CYP4F3: variants seen among roughly 807,000 people sequenced by gnomAD.
CYP4F3 encodes the protein cytochrome P450 4F3.
A neutral mutation model predicts 54.8 loss-of-function variants in CYP4F3; 50 were observed. The ratio of observed to expected loss-of-function variants is 0.91; its 90% CI spans 0.73 to 1.16. The LOEUF is 1.16. CYP4F3 is among the 50% of genes most tolerant of loss of function. The pLI is 0.00. For missense variants in CYP4F3, 715 were observed against 676.2 expected (o/e 1.06, Z -0.64); for synonymous variants, 244 against 262.6 (o/e 0.93, Z 0.69).
chr19:15,652,418 G>A, intron 7 of CYP4F3, 151 bp from the exon 8 acceptor site: 1 of 1,177,658 alleles, frequency 8.5e-7, no homozygotes, highest in Non-Finnish European at 1.2e-6. Context: ...TGGCCATGGT[G>A]ACCAAGAAGG....
chr19:15,647,019 T>A, intron 3 of CYP4F3, 33 bp from the exon 4 acceptor site: 1 of 1,613,002 alleles, frequency 6.2e-7, no homozygotes, highest in Non-Finnish European at 8.5e-7. Context: ...TTCACCTGCC[T>A]CCATGGCCCC....
rs1972599263 is a variant in CYP4F3 at position 15,645,606 on chromosome 19, A to C, written c.199-113A>C. 3.6e-6 allele frequency: 5 copies of C among 1,387,874 alleles called. No homozygotes were observed. The African/African-American group carries it at 4.3e-5, about 12-fold the overall frequency. The allele number at this position is 1,387,874 out of a possible 1,614,324, so 86.0% of individuals were successfully genotyped here. Reference sequence around the variant, plus strand: ...CAGTGGGGGCTCAGCACTGAGAGGGAGATGAGATGCTGCTTGAAATTCTCA... The same window carrying C: ...CAGTGGGGGCTCAGCACTGAGAGGGCGATGAGATGCTGCTTGAAATTCTCA... On this transcript the variant is annotated intron_variant, in intron 2 of 12. Coordinates refer to ENST00000221307, the MANE Select transcript of CYP4F3 (RefSeq NM_000896.3).
Position 15,652,603 on chromosome 19 carries a change from T to A in CYP4F3, c.953T>A (p.Ile318Lys). ...GGGAAGAAGTTGTCCGATGAGGACA[T>A]AAGAGCAGAAGCTGACACCTTTATG... ...EDGKKLSDED[I>K]RAEADTFMFE... The change falls in exon 8 of 13, where the codon ATA (isoleucine) becomes AAA (lysine). Residue 318 changes from isoleucine to lysine, a missense_variant. By Grantham distance (102) the Ile-to-Lys change is moderately radical. Transcript: ENST00000221307. 1 of 1,614,132 alleles carries A rather than the reference T, an allele frequency of 6.2e-7. No individual in the cohort carries two copies. Among genetic ancestry groups the A allele is most frequent in the Non-Finnish European group, 8.5e-7 (1 of 1,180,006 alleles).
intron 2 of CYP4F3, among the ~76,000 whole-genome samples, chr19:15,641,881 A>G (rs552892339): frequency 7.5e-4 from 114 of 152,204 alleles, no homozygotes; most frequent in African/African-American, 2.7e-3. Context: ...GCTCTTGGGC[A>G]GGGGGTTGGG....
intron 7 of CYP4F3, among the ~76,000 whole-genome samples, chr19:15,652,283 AT>A (rs4646510): frequency 0.66 from 100,618 of 151,816 alleles, 33,889 homozygotes; most frequent in East Asian, 0.81. Flanking sequence ...GTTGCCAGTG[AT>A]TTTTTTCTCA....
chr19:15,650,518 G>A (rs1458869567), intron 7 of CYP4F3, among the ~76,000 whole-genome samples: 2 of 152,114 alleles, frequency 1.3e-5, no homozygotes, highest in African/African-American at 4.8e-5. Flanking sequence ...TTGTCTCTGA[G>A]TTTGTGTCTC....
chr19:15,645,750 C>G lies in CYP4F3; in HGVS notation c.230C>G (p.Thr77Arg). Residue 77 changes from threonine to arginine, a missense_variant, in exon 3 of 13, where the codon ACA becomes AGA. Coordinates refer to ENST00000221307, the MANE Select transcript of CYP4F3 (RefSeq NM_000896.3). The stretch of plus-strand genomic sequence containing the variant: ...AGCTCGGAGGAAGGTCTCCTATACA[C>G]ACAAAGCCTGGCATGCACCTTCGGT... ...IHSSEEGLLY[T>R]QSLACTFGDM... is the part of the protein sequence containing the mutation. 6.2e-7 allele frequency: 1 copy of G among 1,613,876 alleles called. No homozygotes were observed. The highest frequency in any genetic ancestry group is 8.5e-7 in the Non-Finnish European group (1 of 1,179,800).
rs746603811 is a variant in CYP4F3 at position 15,662,476 on chromosome 19, T to C, written c.*3091T>C. 1 of 134,048 alleles carries C rather than the reference T, an allele frequency of 7.5e-6. No individual in the cohort carries two copies. Among genetic ancestry groups the C allele is most frequent in the East Asian group, 2.3e-4 (1 of 4,330 alleles). 8.3% of individuals were successfully genotyped at this position (134,048 alleles called of 1,614,324 possible). On this transcript the variant is annotated 3_prime_UTR_variant, in exon 13 of 13. Coordinates refer to ENST00000221307, the MANE Select transcript of CYP4F3 (RefSeq NM_000896.3). ...TTATAGTATATCTTTAAAGGAGTAATGGGAATCCTTCAACTACATTTTTTC... is the reference window on the plus strand; with the variant it reads ...TTATAGTATATCTTTAAAGGAGTAACGGGAATCCTTCAACTACATTTTTTC...
chr19:15,658,726 G>C lies in CYP4F3; in HGVS notation c.1315-1G>C. 6.2e-6 allele frequency: 10 copies of C among 1,614,048 alleles called. No individual in the cohort carries two copies. Among genetic ancestry groups the C allele is most frequent in the Non-Finnish European group, 7.6e-6 (9 of 1,179,986 alleles). Reference sequence around the variant, plus strand: ...GCAACCCTTCTTGGTCTCGCCTCCAGGTCTATGACCCCTTTCGCTTTGACC... The same window carrying C: ...GCAACCCTTCTTGGTCTCGCCTCCACGTCTATGACCCCTTTCGCTTTGACC... On this transcript the variant is annotated splice_acceptor_variant, in intron 11 of 12. Coordinates refer to ENST00000221307, the MANE Select transcript of CYP4F3 (RefSeq NM_000896.3). LOFTEE classifies it high-confidence loss of function.
intron 5 of CYP4F3, 91 bp downstream of exon 5, chr19:15,647,415 G>T: frequency 1.3e-6 from 2 of 1,565,748 alleles, no homozygotes; most frequent in South Asian, 1.2e-5. Context: ...TCTGCTGGGT[G>T]CCTCTGGGCC....
At chr19:15,655,333 G>A (rs1172661498) in intron 9 of CYP4F3, among the ~76,000 whole-genome samples, 2 of 152,008 alleles carry the variant, frequency 1.3e-5, no homozygotes, top group Admixed American at 1.3e-4. Flanking sequence ...TTGATTCTTC[G>A]CTTTGTTGAT....
chr19:15,645,572 G>A lies in CYP4F3; in HGVS notation c.199-147G>A, dbSNP rs1972598063. 3.0e-5 allele frequency: 31 copies of A among 1,031,640 alleles called. No individual in the cohort carries two copies. In the East Asian group the frequency reaches 7.1e-4, roughly 24 times the overall value. The allele number at this position is 1,031,640 out of a possible 1,614,324, so 63.9% of individuals were successfully genotyped here. A position where few individuals can be genotyped will look rare whatever the true frequency, so the allele number is the denominator to read the frequency against. On this transcript the variant is annotated intron_variant, in intron 2 of 12. Transcript: ENST00000221307. ...GAGAGTCCTGCATGGAGGATGTGAG[G>A]AGGAAGCCCAGTGGGGGCTCAGCAC... is the stretch of plus-strand genomic sequence containing the variant.
Position 15,659,243 on chromosome 19 carries a change from C to A in CYP4F3, c.1421C>A (p.Ala474Glu), listed in dbSNP as rs752032773. ...AGGAACTGCATCGGGCAGGCGTTCG[C>A]GATGGCGGAGATGAAGGTGGTCCTG... ...GPRNCIGQAF[A>E]MAEMKVVLGL... The change falls in exon 13 of 13, where the codon GCG (alanine) becomes GAG (glutamate). Residue 474 changes from alanine to glutamate, a missense_variant. Ala to Glu is a moderately radical substitution (Grantham distance 107, BLOSUM62 -1). Coordinates refer to ENST00000221307, the MANE Select transcript of CYP4F3 (RefSeq NM_000896.3). The A allele has an allele frequency of 6.2e-7, 1 of 1,611,222 alleles. No individual in the cohort carries two copies. Among genetic ancestry groups the A allele is most frequent in the Non-Finnish European group, 8.5e-7 (1 of 1,179,410 alleles).
chr19:15,642,211 T>C (rs1387513954), intron 2 of CYP4F3, among the ~76,000 whole-genome samples: 1 of 152,226 alleles, frequency 6.6e-6, no homozygotes, highest in Non-Finnish European at 1.5e-5. Context: ...GACTTAGACC[T>C]GCTCTCCCCT....
intron 12 of CYP4F3, 101 bp from the exon 13 acceptor site, chr19:15,659,119 C>G: frequency 7.1e-7 from 1 of 1,407,056 alleles, no homozygotes; most frequent in Non-Finnish European, 9.6e-7. Context: ...GTTCCTCAAA[C>G]TGCTCTAGGT....
intron 2 of CYP4F3, among the ~76,000 whole-genome samples, chr19:15,643,103 CAGAT>C (rs1156471414): frequency 4.0e-5 from 6 of 149,876 alleles, no homozygotes; most frequent in African/African-American, 9.8e-5. Flanking sequence ...GATGGATGGG[CAGAT>C]AGATATATAG....
At position 15,660,092 on chromosome 19, in the gene CYP4F3, C is replaced by G. The variant is rs996539677; in HGVS notation, c.*707C>G. ...TCACAAAAGAATATGTTGTGAGCAT[C>G]TTTCCATGATATTAAATCATCTTAG... On this transcript the variant is annotated 3_prime_UTR_variant, in exon 13 of 13. Transcript: ENST00000221307. The G allele has an allele frequency of 6.6e-6, 1 of 152,172 alleles. No individual in the cohort carries two copies. Among genetic ancestry groups the G allele is most frequent in the Non-Finnish European group, 1.5e-5 (1 of 68,030 alleles). 9.4% of individuals were successfully genotyped at this position (152,172 alleles called of 1,614,324 possible).
rs201346057 is a variant in CYP4F3, at chr19:15,658,487, A to G, written c.1250-4A>G. On this transcript the variant is annotated splice_region_variant and splice_polypyrimidine_tract_variant and intron_variant, in intron 10 of 12. Coordinates refer to ENST00000221307, the MANE Select transcript of CYP4F3 (RefSeq NM_000896.3). ...TGTCCTGACTGCCCCCTTCTCTCCC[A>G]CAGGCATTATCTGCCTCATCAGTGT... is the stretch of plus-strand genomic sequence containing the variant. The G allele has an allele frequency of 1.9e-6, 3 of 1,614,164 alleles. No homozygotes were observed. Among genetic ancestry groups the G allele is most frequent in the East Asian group, 4.5e-5 (2 of 44,882 alleles).
At chr19:15,649,785 C>A in intron 6 of CYP4F3, 128 bp from the exon 7 acceptor site, 1 of 1,345,024 alleles carries the variant, frequency 7.4e-7, no homozygotes, top group Non-Finnish European at 1.0e-6. Context: ...CATCCTGCAT[C>A]TGAGGGGCCA....
Sources: allele counts gnomAD v4.1 joint callset (sites outside exome capture counted in the v4.1 genomes callset), GRCh38; gene constraint gnomAD v4.1.1; transcripts MANE v1.5; gene names NCBI Gene and HGNC (gene_info 2026-07-23, HGNC 2026-07-21).